The following PTPRM variants were observed in gnomAD, a reference collection of about 807,000 sequenced individuals.
The protein encoded by PTPRM is protein tyrosine phosphatase receptor type M.
A neutral mutation model predicts 186.7 loss-of-function variants in PTPRM; 47 were observed. The observed-to-expected ratio is 0.25, with a 90% CI of 0.20 to 0.32. The LOEUF is 0.32. PTPRM is among the 10% of genes least tolerant of loss of function. The pLI, the probability that PTPRM is intolerant of heterozygous loss-of-function variation, is 1.00. For synonymous variants in PTPRM, 668 were observed against 674.9 expected, an observed-to-expected ratio of 0.99 and a Z score of 0.16; for missense variants, 1,494 against 1,865.0, an observed-to-expected ratio of 0.80 and a Z score of 3.66.
chr18:8,185,732 A>G (rs1316952085), intron 14 of PTPRM, among the ~76,000 whole-genome samples: 1 of 152,214 alleles, frequency 6.6e-6, no homozygotes, highest in African/African-American at 2.4e-5. Flanking sequence ...TTCTCTAGGC[A>G]GGCATATGGA....
intron 1 of PTPRM, among the ~76,000 whole-genome samples, chr18:7,714,840 A>AC: frequency 6.6e-6 from 1 of 152,326 alleles, no homozygotes; most frequent in South Asian, 2.1e-4. Flanking sequence ...CCCTGAATAG[A>AC]CCAATAACAA....
At chr18:7,786,936 G>C (rs957277099) in intron 2 of PTPRM, among the ~76,000 whole-genome samples, 6 of 152,200 alleles carry the variant, frequency 3.9e-5, no homozygotes, top group African/African-American at 1.2e-4. Flanking sequence ...TTTGTTACTT[G>C]GGCTGGATGA....
At chr18:7,607,188 T>G (rs541014366) in intron 1 of PTPRM, among the ~76,000 whole-genome samples, 9 of 152,268 alleles carry the variant, frequency 5.9e-5, no homozygotes, top group South Asian at 2.1e-4. Flanking sequence ...CACCAGCTCC[T>G]TAAGGGAGCT....
intron 13 of PTPRM, among the ~76,000 whole-genome samples, chr18:8,134,538 A>C (rs2092592508): frequency 6.6e-6 from 1 of 151,872 alleles, no homozygotes; most frequent in African/African-American, 2.4e-5. Context: ...CCTTTTCCTC[A>C]TCCACATGAT....
At chr18:7,612,105 G>A (rs955283221) in intron 1 of PTPRM, among the ~76,000 whole-genome samples, 5 of 152,162 alleles carry the variant, frequency 3.3e-5, no homozygotes, top group East Asian at 1.9e-4. Context: ...GGAATAACAT[G>A]TTTTTTTGCT....
At chr18:8,317,642 C>T (rs1412320630) in intron 21 of PTPRM, among the ~76,000 whole-genome samples, 3 of 152,068 alleles carry the variant, frequency 2.0e-5, no homozygotes, top group Non-Finnish European at 2.9e-5. Context: ...TGAGAACAAG[C>T]GGCCAGGGAG....
intron 23 of PTPRM, chr18:8,367,178 G>T (rs1482460176): frequency 6.6e-6 from 1 of 151,842 alleles, no homozygotes; most frequent in African/African-American, 2.4e-5. Context: ...TAGTTAAAAA[G>T]ATACTAAAAG....
At chr18:8,218,803 C>T (rs900810138) in intron 14 of PTPRM, among the ~76,000 whole-genome samples, 1 of 152,222 alleles carries the variant, frequency 6.6e-6, no homozygotes, top group African/African-American at 2.4e-5. Context: ...GCATGGAACA[C>T]TGGTGTGATG....
intron 2 of PTPRM, among the ~76,000 whole-genome samples, chr18:7,787,840 A>C (rs2043162931): frequency 6.6e-6 from 1 of 152,250 alleles, no homozygotes. Flanking sequence ...TCTGAATTAG[A>C]AATTAAAACT....
At chr18:7,612,708 C>CT (rs1200521013) in intron 1 of PTPRM, among the ~76,000 whole-genome samples, 1 of 152,154 alleles carries the variant, frequency 6.6e-6, no homozygotes, top group Non-Finnish European at 1.5e-5. Flanking sequence ...GAAAGAGAAG[C>CT]TGAAATGCCC....
chr18:7,907,145 T>C lies in PTPRM; in HGVS notation c.547+562T>C, dbSNP rs143476834. On this transcript the variant is annotated intron_variant, in intron 4 of 32. Transcript: ENST00000580170. Reference sequence around the variant, plus strand: ...CATACAATTTTTAAAATTTCTACTATGAACAACTAACAGTTTGTCATATTT... The same window carrying C: ...CATACAATTTTTAAAATTTCTACTACGAACAACTAACAGTTTGTCATATTT... 6.3e-3 allele frequency among the ~76,000 whole-genome samples: 959 copies of C among 152,376 alleles called. 4 individuals carry two copies. Among genetic ancestry groups the C allele is most frequent in the Non-Finnish European group, 9.9e-3 (673 of 68,032 alleles).
intron 23 of PTPRM, among the ~76,000 whole-genome samples, chr18:8,346,641 A>C (rs571566371): frequency 3.2e-4 from 48 of 152,302 alleles, no homozygotes; most frequent in Middle Eastern, 3.4e-3. Flanking sequence ...GTGAGTTTCC[A>C]CATGTCAGGA....
chr18:7,748,569 C>T (rs1054234992), intron 1 of PTPRM, among the ~76,000 whole-genome samples: 2 of 152,096 alleles, frequency 1.3e-5, no homozygotes, highest in African/African-American at 2.4e-5. Context: ...AAATCAGCTC[C>T]GGGCTACTTA....
chr18:8,197,881 C>T (rs1030087393), intron 14 of PTPRM, among the ~76,000 whole-genome samples: 1 of 152,198 alleles, frequency 6.6e-6, no homozygotes, highest in African/African-American at 2.4e-5. Flanking sequence ...CCGACACACT[C>T]TCATTGGAAC....
intron 7 of PTPRM, among the ~76,000 whole-genome samples, chr18:8,066,749 A>G (rs2089115257): frequency 6.6e-6 from 1 of 152,228 alleles, no homozygotes; most frequent in Non-Finnish European, 1.5e-5. Flanking sequence ...TCTAAGATTT[A>G]GACCTCATAC....
intron 1 of PTPRM, among the ~76,000 whole-genome samples, chr18:7,577,922 G>A (rs2036732639): frequency 6.6e-6 from 1 of 152,152 alleles, no homozygotes; most frequent in African/African-American, 2.4e-5. Flanking sequence ...AGAATGCTTG[G>A]TATGTTTGGA....
chr18:8,146,256 TTG>T (rs1360919563), intron 14 of PTPRM, among the ~76,000 whole-genome samples: 3 of 152,130 alleles, frequency 2.0e-5, no homozygotes. Context: ...ACTCCCAATC[TTG>T]TGATCCGCCT....
intron 13 of PTPRM, among the ~76,000 whole-genome samples, chr18:8,121,060 T>C (rs2092153906): frequency 6.6e-6 from 1 of 152,246 alleles, no homozygotes; most frequent in Admixed American, 6.5e-5. Context: ...TGTAATGCGT[T>C]AATGCACTGG....
chr18:7,711,689 C>G (rs1233332318), intron 1 of PTPRM, among the ~76,000 whole-genome samples: 1 of 152,124 alleles, frequency 6.6e-6, no homozygotes, highest in East Asian at 1.9e-4. Context: ...AGCGGTTTTC[C>G]CCTCACAGTG....
Sources: allele counts gnomAD v4.1 joint callset (sites outside exome capture counted in the v4.1 genomes callset), GRCh38; gene constraint gnomAD v4.1.1; transcripts MANE v1.5; gene names NCBI Gene and HGNC (gene_info 2026-07-23, HGNC 2026-07-21).